SEC63: variants seen among roughly 807,000 people sequenced by gnomAD.
The protein encoded by SEC63 is translocation protein SEC63 homolog.
In SEC63, 56 loss-of-function variants were observed where a neutral mutation model predicts 116.2. The observed-to-expected ratio is 0.48, with a 90% CI of 0.39 to 0.60. SEC63 has a LOEUF of 0.60. SEC63 is among the 20% of genes least tolerant of loss of function. The pLI is 0.00. For synonymous variants in SEC63, 273 were observed against 294.6 expected, an observed-to-expected ratio of 0.93 and a Z score of 0.75; for missense variants, 668 against 900.0, an observed-to-expected ratio of 0.74 and a Z score of 3.30.
At chr6:107,919,517 G>A (rs1002060853) in intron 4 of SEC63, among the ~76,000 whole-genome samples, 1 of 152,100 alleles carries the variant, frequency 6.6e-6, no homozygotes, top group Non-Finnish European at 1.5e-5. Flanking sequence ...TGAGAGGATT[G>A]ACTCCAATTT....
intron 16 of SEC63, among the ~76,000 whole-genome samples, chr6:107,887,876 C>A (rs1786571840): frequency 2.0e-5 from 3 of 152,128 alleles, no homozygotes; most frequent in Non-Finnish European, 2.9e-5. Context: ...TTGTTTTTAA[C>A]AGGTTTGTCA....
chr6:107,942,368 G>A (rs1022315181), intron 1 of SEC63, among the ~76,000 whole-genome samples: 3 of 152,200 alleles, frequency 2.0e-5, no homozygotes, highest in African/African-American at 7.2e-5. Flanking sequence ...GGCAGAGACT[G>A]TATCTTACCC....
At chr6:107,935,890 T>C (rs1298766101) in intron 1 of SEC63, among the ~76,000 whole-genome samples, 1 of 152,222 alleles carries the variant, frequency 6.6e-6, no homozygotes, top group Non-Finnish European at 1.5e-5. Context: ...ACTGAGAAAG[T>C]GACAAAACCC....
rs751704524 is a variant in SEC63, at chr6:107,893,550, G to T, written c.1606C>A (p.Pro536Thr). Residue 536 changes from proline to threonine, a missense_variant, in exon 16 of 21, where the codon CCT becomes ACT. Physicochemically the swap from Pro to Thr is conservative, Grantham distance 38. Coordinates refer to ENST00000369002, the MANE Select transcript of SEC63 (RefSeq NM_007214.5). ...SKKKKPLKKK[P>T]TPVLLPQSKQ... is the part of the protein sequence containing the mutation. ...GACTGTGGTAATAGCACAGGTGTAG[G>T]TTTTTTTTTTAAAGGTTTCTTTTTT... 4 of 1,527,398 alleles carry T rather than the reference G, an allele frequency of 2.6e-6. No individual in the cohort carries two copies. Among genetic ancestry groups the T allele is most frequent in the African/African-American group, 1.4e-5 (1 of 71,512 alleles). 94.6% of individuals were successfully genotyped at this position (1,527,398 alleles called of 1,614,324 possible). A position where few individuals can be genotyped will look rare whatever the true frequency, so the allele number is the denominator to read the frequency against.
chr6:107,934,224 C>G (rs1291535135), intron 1 of SEC63, among the ~76,000 whole-genome samples: 2 of 151,638 alleles, frequency 1.3e-5, no homozygotes, highest in Non-Finnish European at 2.9e-5. Flanking sequence ...GCTGCCCAGT[C>G]TGGAAAGTGA....
chr6:107,901,669 G>A, intron 12 of SEC63, 152 bp from the exon 13 acceptor site: 2 of 544,988 alleles, frequency 3.7e-6, no homozygotes, highest in African/African-American at 1.9e-5. Flanking sequence ...ATAACGATAT[G>A]GCATTTCATG....
At chr6:107,939,490 G>A (rs1338570965) in intron 1 of SEC63, among the ~76,000 whole-genome samples, 3 of 152,142 alleles carry the variant, frequency 2.0e-5, no homozygotes, top group African/African-American at 7.2e-5. Flanking sequence ...AAAGGCTCAT[G>A]CCTGTAATCC....
intron 13 of SEC63, among the ~76,000 whole-genome samples, chr6:107,900,723 G>T (rs1352703045): frequency 6.6e-6 from 1 of 152,130 alleles, no homozygotes; most frequent in Non-Finnish European, 1.5e-5. Context: ...GTAACTAAAA[G>T]AATGTTCTCA....
chr6:107,926,778 A>G (rs1326419889), intron 2 of SEC63, among the ~76,000 whole-genome samples: 1 of 152,198 alleles, frequency 6.6e-6, no homozygotes, highest in Non-Finnish European at 1.5e-5. Flanking sequence ...AAGGAACAAA[A>G]CACCTAGGAT....
chr6:107,897,571 C>CT, intron 14 of SEC63, 78 bp downstream of exon 14: 1 of 1,045,212 alleles, frequency 9.6e-7, no homozygotes, highest in South Asian at 1.3e-5. Flanking sequence ...ACAGTTTTGA[C>CT]TTTGACAATG....
intron 16 of SEC63, among the ~76,000 whole-genome samples, chr6:107,885,592 TCAATGCAATAC>T (rs1192587683): frequency 3.9e-5 from 6 of 152,184 alleles, no homozygotes; most frequent in Non-Finnish European, 7.3e-5. Flanking sequence ...AACCATGGAT[TCAATGCAATAC>T]CAATGTAAAT....
chr6:107,902,775 T>C, intron 12 of SEC63, 69 bp downstream of exon 12: 1 of 1,470,654 alleles, frequency 6.8e-7, no homozygotes, highest in Non-Finnish European at 9.5e-7. Context: ...CCAGAAAACT[T>C]TTATTCATGT....
At chr6:107,899,716 C>CA (rs35917805) in intron 13 of SEC63, among the ~76,000 whole-genome samples, 161 of 146,854 alleles carry the variant, frequency 1.1e-3, no homozygotes, top group Middle Eastern at 3.5e-3. Context: ...AAGACTGTCT[C>CA]AAAAAAAAAA....
chr6:107,952,762 C>G (rs564998117), intron 1 of SEC63, among the ~76,000 whole-genome samples: 1 of 151,178 alleles, frequency 6.6e-6, no homozygotes, highest in East Asian at 1.9e-4. Flanking sequence ...CATGCCAAAA[C>G]AAACAAAAAA....
At chr6:107,891,606 G>T (rs1003175430) in intron 16 of SEC63, among the ~76,000 whole-genome samples, 13 of 152,030 alleles carry the variant, frequency 8.6e-5, no homozygotes, top group Non-Finnish European at 1.5e-4. Context: ...TTCCCTTGCT[G>T]GTGAGGAGCT....
intron 1 of SEC63, among the ~76,000 whole-genome samples, chr6:107,944,016 TA>T (rs1265339873): frequency 6.6e-6 from 1 of 152,118 alleles, no homozygotes; most frequent in Non-Finnish European, 1.5e-5. Context: ...ATCTAGGCAA[TA>T]AACCAGGACA....
intron 14 of SEC63, among the ~76,000 whole-genome samples, chr6:107,897,007 G>A (rs1257938346): frequency 6.6e-6 from 1 of 151,234 alleles, no homozygotes; most frequent in Non-Finnish European, 1.5e-5. Flanking sequence ...AAGGAAGGGA[G>A]GGAAGGAGAG....
intron 16 of SEC63, among the ~76,000 whole-genome samples, chr6:107,884,848 A>C (rs1222580349): frequency 6.6e-6 from 1 of 152,138 alleles, no homozygotes; most frequent in Non-Finnish European, 1.5e-5. Context: ...CTATGACCAA[A>C]TGATATTTGT....
chr6:107,921,801 C>A lies in SEC63; in HGVS notation c.448G>T (p.Ala150Ser). The A allele has an allele frequency of 6.3e-7, 1 of 1,585,086 alleles. No homozygotes were observed. The highest frequency in any genetic ancestry group is 1.1e-5 in the South Asian group (1 of 90,474). ...VMFMRIAKAY[A>S]ALTDEESRKN... ...GTAATGGATCCTGATACTTACGCAG[C>A]ATAAGCTTTTGCTATCCTCATGAAC... Residue 150 changes from alanine to serine, a missense_variant, in exon 4 of 21, where the codon GCT becomes TCT. By Grantham distance (99) the Ala-to-Ser change is moderately conservative (BLOSUM62 1). Coordinates refer to ENST00000369002, the MANE Select transcript of SEC63 (RefSeq NM_007214.5).
Sources: gnomAD v4.1 joint callset for allele counts (sites outside exome capture counted in the v4.1 genomes callset) on GRCh38, gnomAD v4.1.1 for gene constraint, MANE v1.5 for transcripts, NCBI Gene and HGNC (gene_info 2026-07-23, HGNC 2026-07-21) for gene names.